EPRS1: variants seen among roughly 807,000 people sequenced by gnomAD.
EPRS1 encodes bifunctional glutamate/proline--tRNA ligase.
Under a neutral mutation model 188.3 loss-of-function variants are expected in EPRS1, and 107 were observed. The observed-to-expected ratio is 0.57, with a 90% CI of 0.49 to 0.67. The LOEUF (loss-of-function observed/expected upper bound fraction) is 0.67, where lower values mean the gene tolerates loss of function less well. Ranked by LOEUF, EPRS1 falls within the 30% of genes least tolerant of loss-of-function variation. EPRS1 has a pLI of 0.00. For missense variants in EPRS1, 1,577 were observed against 1,802.2 expected (o/e 0.88, Z 2.26); for synonymous variants, 596 against 593.1 (o/e 1.00, Z -0.07).
At chr1:219,983,860 A>T (rs1039262936) in intron 21 of EPRS1, among the ~76,000 whole-genome samples, 68 of 148,856 alleles carry the variant, frequency 4.6e-4, no homozygotes, top group Non-Finnish European at 5.6e-4. Flanking sequence ...ACCACTGCAC[A>T]CCAGCCTAGG....
In EPRS1 at chr1:219,987,138, T is replaced by C. The variant is rs1421163747; in HGVS notation, c.3038+4A>G. The C allele has an allele frequency of 2.9e-5, 47 of 1,598,182 alleles. 1 individual carries two copies. Among genetic ancestry groups the C allele is most frequent in the Non-Finnish European group, 4.0e-5 (47 of 1,175,486 alleles). ...CTTCAAATGAAGTTTCTGCGATTCA[T>C]TACCTGGTCTGTTTCTTAGGCCCCT... On this transcript the variant is annotated splice_donor_region_variant and intron_variant, in intron 20 of 31. Transcript: ENST00000366923.
intron 27 of EPRS1, among the ~76,000 whole-genome samples, chr1:219,978,946 G>A (rs10863522): frequency 0.43 from 58,798 of 138,244 alleles, 11,880 homozygotes; most frequent in South Asian, 0.49. Flanking sequence ...ATATGTGTGT[G>A]TATATATATA....
At chr1:220,028,370 C>T (rs1662023416) in intron 6 of EPRS1, among the ~76,000 whole-genome samples, 1 of 152,116 alleles carries the variant, frequency 6.6e-6, no homozygotes. Flanking sequence ...CAATTCCAAA[C>T]CTCAAGAAAG....
chr1:220,010,103 A>AAAAT (rs1441177439), intron 13 of EPRS1, among the ~76,000 whole-genome samples: 1 of 151,588 alleles, frequency 6.6e-6, no homozygotes, highest in East Asian at 1.9e-4. Flanking sequence ...CAAAAAAAAA[A>AAAAT]AAAAAAAAAA....
chr1:220,040,254 A>C lies in EPRS1; in HGVS notation c.62T>G (p.Val21Gly), dbSNP rs1211558621. The C allele has an allele frequency of 6.2e-7, 1 of 1,603,992 alleles. No individual in the cohort carries two copies. Among genetic ancestry groups the C allele is most frequent in the South Asian group, 1.1e-5 (1 of 90,170 alleles). Residue 21 changes from valine to glycine, a missense_variant, in exon 2 of 32, where the codon GTA becomes GGA. By Grantham distance (109) the Val-to-Gly change is moderately radical. Transcript: ENST00000366923. ...GDPPLGALLA[V>G]EHVKDDVSIS... Reference sequence around the variant, plus strand: ...GCTGACATCGTCTTTCACGTGTTCTACTGCCAGCAAAGCTCCTATAAATAA... The same window carrying C: ...GCTGACATCGTCTTTCACGTGTTCTCCTGCCAGCAAAGCTCCTATAAATAA...
chr1:219,977,258 A>C lies in EPRS1; in HGVS notation c.4083+1288T>G, dbSNP rs1015232884. On this transcript the variant is annotated intron_variant, in intron 28 of 31. Coordinates refer to ENST00000366923, the MANE Select transcript of EPRS1 (RefSeq NM_004446.3). ...TCAATGTTCTTTAACTTGAGGCGTC[A>C]AGTTTAGAACTTAGGTGCTTTATTT... Among the ~76,000 whole-genome samples the C allele has an allele frequency of 2.6e-5, 4 of 152,270 alleles. No individual in the cohort carries two copies. In the Middle Eastern group the frequency reaches 0.01, roughly 388 times the overall value.
chr1:220,000,905 C>A (rs1002684066), intron 17 of EPRS1, among the ~76,000 whole-genome samples: 6 of 152,122 alleles, frequency 3.9e-5, no homozygotes, highest in African/African-American at 1.4e-4. Flanking sequence ...TGCTTGAACC[C>A]GGGAGGCGGA....
At chr1:219,976,482 G>T (rs1660782793) in intron 28 of EPRS1, among the ~76,000 whole-genome samples, 1 of 152,220 alleles carries the variant, frequency 6.6e-6, no homozygotes, top group Non-Finnish European at 1.5e-5. Flanking sequence ...TTATGTAGGA[G>T]AATATGTTGG....
chr1:220,040,128 C>T, intron 2 of EPRS1, 57 bp downstream of exon 2: 1 of 1,167,612 alleles, frequency 8.6e-7, no homozygotes, highest in Non-Finnish European at 1.3e-6. Context: ...TCTAAAAAAA[C>T]TCTAAAAAAA....
chr1:220,039,359 C>G (rs1027700457), intron 2 of EPRS1, among the ~76,000 whole-genome samples: 1 of 152,116 alleles, frequency 6.6e-6, no homozygotes, highest in Admixed American at 6.6e-5. Flanking sequence ...GCTCTCAAAG[C>G]TAGACCTCTA....
chr1:219,997,927 T>C (rs1040975298), intron 17 of EPRS1, among the ~76,000 whole-genome samples: 1 of 152,198 alleles, frequency 6.6e-6, no homozygotes, highest in African/African-American at 2.4e-5. Context: ...CTCATTGTTG[T>C]GGAACAGTTT....
intron 28 of EPRS1, 80 bp downstream of exon 28, chr1:219,978,466 C>CAA (rs3215088): frequency 0.47 from 534,035 of 1,129,156 alleles, 127,575 homozygotes; most frequent in South Asian, 0.52. Context: ...TGAGAAACCT[C>CAA]GTTTTATAAA....
At position 220,032,370 on chromosome 1, in the gene EPRS1, A is replaced by G; in HGVS notation, c.528+17T>C. On this transcript the variant is annotated intron_variant, in intron 5 of 31. Coordinates refer to ENST00000366923, the MANE Select transcript of EPRS1 (RefSeq NM_004446.3). ...CAAAGTGTTTTTTTTTTTAAAAAAA[A>G]AGAAAAAAAGGCTTACCACTCGAGC... 6.4e-7 allele frequency: 1 copy of G among 1,569,408 alleles called. No individual in the cohort carries two copies. The highest frequency in any genetic ancestry group is 8.6e-7 in the Non-Finnish European group (1 of 1,166,482).
intron 18 of EPRS1, among the ~76,000 whole-genome samples, chr1:219,992,539 T>C (rs1386577648): frequency 1.3e-5 from 2 of 152,212 alleles, no homozygotes; most frequent in Non-Finnish European, 2.9e-5. Context: ...TTTTAGACTA[T>C]GTGAGTCTTG....
At chr1:220,022,274 G>A in intron 9 of EPRS1, 73 bp downstream of exon 9, 1 of 1,324,652 alleles carries the variant, frequency 7.5e-7, no homozygotes, top group Non-Finnish European at 1.0e-6. Context: ...TATTTTGCTT[G>A]TACTCCATGT....
At chr1:219,990,253 C>T (rs1661094534) in intron 18 of EPRS1, among the ~76,000 whole-genome samples, 2 of 152,010 alleles carry the variant, frequency 1.3e-5, no homozygotes, top group African/African-American at 4.8e-5. Flanking sequence ...ATATATTTCC[C>T]CTCCCATTAG....
intron 22 of EPRS1, 85 bp from the exon 23 acceptor site, chr1:219,982,929 T>C: frequency 1.6e-6 from 2 of 1,262,072 alleles, no homozygotes; most frequent in East Asian, 4.7e-5. Context: ...TTCCTCTGTT[T>C]TAATTTTTGC....
At chr1:220,042,498 A>T (rs189730842) in intron 1 of EPRS1, among the ~76,000 whole-genome samples, 1 of 151,902 alleles carries the variant, frequency 6.6e-6, no homozygotes. Flanking sequence ...AAAAAAAAAA[A>T]AGAAAAAAGA....
chr1:220,033,310 G>A (rs1165188013), intron 4 of EPRS1, among the ~76,000 whole-genome samples, 192 bp downstream of exon 4: 1 of 152,076 alleles, frequency 6.6e-6, no homozygotes, highest in Non-Finnish European at 1.5e-5. Flanking sequence ...GAAAAACACA[G>A]GGAATTCCCG....
Sources: allele counts gnomAD v4.1 joint callset (sites outside exome capture counted in the v4.1 genomes callset), GRCh38; gene constraint gnomAD v4.1.1; transcripts MANE v1.5; gene names NCBI Gene and HGNC (gene_info 2026-07-23, HGNC 2026-07-21).